Variants in UBE2O observed in about 807,000 individuals in gnomAD.
UBE2O encodes (E3-independent) E2 ubiquitin-conjugating enzyme.
A neutral mutation model predicts 125.8 loss-of-function variants in UBE2O; 15 were observed. The observed-to-expected ratio is 0.12, with a 90% CI of 0.08 to 0.18. UBE2O has a LOEUF of 0.18. Ranked by LOEUF, UBE2O falls within the 10% of genes least tolerant of loss-of-function variation. The probability of loss-of-function intolerance (pLI) is 1.00; values close to 1 mark genes in which losing one functional copy is unlikely to be tolerated. For missense variants in UBE2O, 1,280 were observed against 1,723.6 expected (o/e 0.74, Z 4.56); for synonymous variants, 708 against 703.2 (o/e 1.01, Z -0.11).
rs752504556 is a variant in UBE2O at position 76,400,433 on chromosome 17, AT to A, written c.1004+7del. On this transcript the variant is annotated splice_region_variant and intron_variant, in intron 7 of 17. Coordinates refer to ENST00000319380, the MANE Select transcript of UBE2O (RefSeq NM_022066.4). This position sits in a 1 kb window ranked among gnomAD's most constrained non-coding sequence, Gnocchi z 4.3. ...CCCCTGGGTTGCTGGCAGTAAGGGC[AT>A]GCTTACCTGCCTAGGTTTTCCTGGG... 4 of 1,608,080 alleles carry A rather than the reference AT, an allele frequency of 2.5e-6. No homozygotes were observed. The highest frequency in any genetic ancestry group is 2.5e-6 in the Non-Finnish European group (3 of 1,176,646).
chr17:76,420,034 T>A (rs1330816591), intron 1 of UBE2O, among the ~76,000 whole-genome samples: 1 of 152,152 alleles, frequency 6.6e-6, no homozygotes. Flanking sequence ...AGCAGAAAGC[T>A]GCTGCCTCAC....
At chr17:76,393,557 A>G (rs1369493785) in intron 15 of UBE2O, among the ~76,000 whole-genome samples, 1 of 152,108 alleles carries the variant, frequency 6.6e-6, no homozygotes, top group East Asian at 1.9e-4. Context: ...AAAACAAAAC[A>G]AAACAATTCC....
In UBE2O at chr17:76,452,761, G is replaced by A. The variant is rs780562730; in HGVS notation, c.381C>T (p.Tyr127=). Residue 127 remains tyrosine, a synonymous_variant, in exon 1 of 18, where the codon TAC becomes TAT. Coordinates refer to ENST00000319380, the MANE Select transcript of UBE2O (RefSeq NM_022066.4). The surrounding 1 kb of genome is among the most constrained non-coding windows in gnomAD (Gnocchi z 4.4). ...LRRGYVRVQW[Y]PEGVKQHVKE... ...TCACATGCTGCTTGACGCCCTCCGG[G>A]TACCACTGGACGCGCACGTAGCCGC... 2 of 1,514,920 alleles carry A rather than the reference G, an allele frequency of 1.3e-6. No homozygotes were observed. 93.8% of individuals were successfully genotyped at this position (1,514,920 alleles called of 1,614,324 possible).
intron 1 of UBE2O, among the ~76,000 whole-genome samples, chr17:76,409,838 AGC>A (rs757539526): frequency 3.3e-5 from 5 of 152,186 alleles, no homozygotes; most frequent in Admixed American, 1.3e-4. Flanking sequence ...GCACATGCTA[AGC>A]GCCCATTCTC....
intron 1 of UBE2O, among the ~76,000 whole-genome samples, chr17:76,424,793 G>A (rs989499224): frequency 2.0e-5 from 3 of 151,738 alleles, no homozygotes; most frequent in African/African-American, 7.2e-5. Context: ...ACTCCAGCCC[G>A]GGCAACAGAG....
Position 76,391,553 on chromosome 17 carries a change from A to G in UBE2O, c.3269T>C (p.Leu1090Pro). The change falls in exon 18 of 18, where the codon CTG (leucine) becomes CCG (proline). Residue 1090 changes from leucine (L) to proline (P), a missense_variant. Leu to Pro is a moderately conservative substitution (Grantham distance 98). Coordinates refer to ENST00000319380, the MANE Select transcript of UBE2O (RefSeq NM_022066.4). This position sits in a 1 kb window ranked among gnomAD's most constrained non-coding sequence, Gnocchi z 8.4. ...NEAGFDSDRG[L>P]QEGYENSRCY... ...GCGACTGTTTTCATAGCCTTCCTGC[A>G]GGCCTCGGTCACTGTCGAAGCCGGC... 1 of 1,614,132 alleles carries G rather than the reference A, an allele frequency of 6.2e-7. No homozygotes were observed. Among genetic ancestry groups the G allele is most frequent in the Non-Finnish European group, 8.5e-7 (1 of 1,180,028 alleles).
In UBE2O at chr17:76,404,063, C is replaced by G. The variant is rs2072376982; in HGVS notation, c.588+1143G>C. On this transcript the variant is annotated intron_variant, in intron 3 of 17. Coordinates refer to ENST00000319380, the MANE Select transcript of UBE2O (RefSeq NM_022066.4). This position sits in a 1 kb window ranked among gnomAD's most constrained non-coding sequence, Gnocchi z 4.3. ...GCTCTTCTACAGAGCAGAATGCCAG[C>G]TAAAAGAAATGAGGGGAACAAGGGA... 6.6e-6 allele frequency among the ~76,000 whole-genome samples: 1 copy of G among 152,094 alleles called. No individual in the cohort carries two copies. The highest frequency in any genetic ancestry group is 1.5e-5 in the Non-Finnish European group (1 of 68,026).
In UBE2O at chr17:76,395,795, C is replaced by T. The variant is rs767945816; in HGVS notation, c.2876G>A (p.Arg959Gln). ...GGTAGCCAGCAGCGCCATCTCCTTC[C>T]GCACTGTGCTGAAGAACTTCTTGGC... ...PEAKKFFSTVRKEMALLATSL... is the reference protein window; with the variant it reads ...PEAKKFFSTVQKEMALLATSL... The change falls in exon 15 of 18, where the codon CGG becomes CAG. Residue 959 changes from arginine (R) to glutamine (Q), a missense_variant. By Grantham distance (43) the Arg-to-Gln change is conservative (BLOSUM62 1). Coordinates refer to ENST00000319380, the MANE Select transcript of UBE2O (RefSeq NM_022066.4). The surrounding 1 kb of genome is among the most constrained non-coding windows in gnomAD (Gnocchi z 5.0). 7.4e-6 allele frequency: 12 copies of T among 1,614,210 alleles called. No individual in the cohort carries two copies. Among genetic ancestry groups the T allele is most frequent in the East Asian group, 2.2e-5 (1 of 44,884 alleles).
Position 76,423,626 on chromosome 17 carries a change from G to A in UBE2O, c.418-18054C>T, listed in dbSNP as rs191848986. Among the ~76,000 whole-genome samples, 572 of 151,544 alleles carry A rather than the reference G, an allele frequency of 3.8e-3. 1 individual carries two copies. Among genetic ancestry groups the A allele is most frequent in the Non-Finnish European group, 5.8e-3 (396 of 67,920 alleles). ...GAAAATCGCTTGAACCTGGGAGGCGGAGCTTGCAGTGAGCCGAGATCACAA... is the reference window on the plus strand; with the variant it reads ...GAAAATCGCTTGAACCTGGGAGGCGAAGCTTGCAGTGAGCCGAGATCACAA... On this transcript the variant is annotated intron_variant, in intron 1 of 17. Coordinates refer to ENST00000319380, the MANE Select transcript of UBE2O (RefSeq NM_022066.4).
intron 1 of UBE2O, among the ~76,000 whole-genome samples, chr17:76,448,190 G>A (rs546706348): frequency 1.3e-5 from 2 of 152,286 alleles, no homozygotes; most frequent in East Asian, 3.9e-4. Context: ...AGGCCCGAGG[G>A]CTAGAAGGGG....
chr17:76,448,411 C>T (rs1029448417), intron 1 of UBE2O, among the ~76,000 whole-genome samples: 3 of 152,324 alleles, frequency 2.0e-5, no homozygotes, highest in East Asian at 1.9e-4. Flanking sequence ...TGCCATGATG[C>T]TACACCTAAA....
rs770230462 is a variant in UBE2O, at chr17:76,452,924, G to C, written c.218C>G (p.Ser73Cys). 1.3e-6 allele frequency: 2 copies of C among 1,499,618 alleles called. No individual in the cohort carries two copies. The highest frequency in any genetic ancestry group is 1.5e-5 in the African/African-American group (1 of 68,554). The allele number at this position is 1,499,618 out of a possible 1,614,324, so 92.9% of individuals were successfully genotyped here. Residue 73 changes from serine to cysteine, a missense_variant, in exon 1 of 18, where the codon TCC (serine) becomes TGC (cysteine). Ser to Cys is a moderately radical substitution (Grantham distance 112). Transcript: ENST00000319380. This position sits in a 1 kb window ranked among gnomAD's most constrained non-coding sequence, Gnocchi z 4.4. ...HDLVSGRYRG[S>C]VHFGLVRLIH... ...GAGGCGCACCAGCCCGAAGTGCACG[G>C]AGCCACGGTAACGGCCCGACACCAG...
chr17:76,395,549 G>C lies in UBE2O; in HGVS notation c.2946+176C>G. 1.5e-6 allele frequency: 1 copy of C among 681,244 alleles called. No homozygotes were observed. Among genetic ancestry groups the C allele is most frequent in the Non-Finnish European group, 2.4e-6 (1 of 410,096 alleles). 42.2% of individuals were successfully genotyped at this position (681,244 alleles called of 1,614,324 possible). On this transcript the variant is annotated intron_variant, in intron 15 of 17. Coordinates refer to ENST00000319380, the MANE Select transcript of UBE2O (RefSeq NM_022066.4). This position sits in a 1 kb window ranked among gnomAD's most constrained non-coding sequence, Gnocchi z 5.0. Reference sequence around the variant, plus strand: ...AAAGAACCATCTGGCCTGGACACACGGCTGAGTCAGCCCTCACCTGACTGA... The same window carrying C: ...AAAGAACCATCTGGCCTGGACACACCGCTGAGTCAGCCCTCACCTGACTGA...
chr17:76,444,580 T>G (rs2073125317), intron 1 of UBE2O, among the ~76,000 whole-genome samples: 1 of 152,124 alleles, frequency 6.6e-6, no homozygotes, highest in African/African-American at 2.4e-5. Context: ...GCAAATGCAG[T>G]GATCAGAAAT....
chr17:76,431,319 C>G (rs960084504), intron 1 of UBE2O, among the ~76,000 whole-genome samples: 4 of 151,906 alleles, frequency 2.6e-5, no homozygotes. Flanking sequence ...CAAGAGCAGC[C>G]TGGCCAACAT....
At chr17:76,449,278 A>G (rs537330465) in intron 1 of UBE2O, among the ~76,000 whole-genome samples, 1 of 152,364 alleles carries the variant, frequency 6.6e-6, no homozygotes, top group South Asian at 2.1e-4. Context: ...AGATACTACT[A>G]AAAAATTTCA....
rs969004766 is a variant in UBE2O at position 76,395,931 on chromosome 17, G to A, written c.2810-70C>T. The stretch of plus-strand genomic sequence containing the variant: ...GGAGCTCCATCTGCCAACCTGGCTG[G>A]ACAGGTGAGCACACCCACAGACTTC... On this transcript the variant is annotated intron_variant, in intron 14 of 17. Transcript: ENST00000319380. This position sits in a 1 kb window ranked among gnomAD's most constrained non-coding sequence, Gnocchi z 5.0. 70 of 1,602,186 alleles carry A rather than the reference G, an allele frequency of 4.4e-5. No individual in the cohort carries two copies. The highest frequency in any genetic ancestry group is 5.9e-5 in the Non-Finnish European group (69 of 1,174,500).
At chr17:76,446,388 C>G (rs961561471) in intron 1 of UBE2O, among the ~76,000 whole-genome samples, 4 of 151,996 alleles carry the variant, frequency 2.6e-5, no homozygotes, top group Admixed American at 6.5e-5. Flanking sequence ...CATGAGCCCC[C>G]ATGGTGGGTT....
chr17:76,427,491 T>C (rs897023264), intron 1 of UBE2O, among the ~76,000 whole-genome samples: 2 of 152,264 alleles, frequency 1.3e-5, no homozygotes, highest in Admixed American at 6.5e-5. Context: ...GTGTTTGTTG[T>C]GATCGCTGAC....
Sources: allele counts gnomAD v4.1 joint callset (sites outside exome capture counted in the v4.1 genomes callset), GRCh38; gene constraint gnomAD v4.1.1; non-coding constraint Gnocchi (gnomAD v3.1); transcripts MANE v1.5; gene names NCBI Gene and HGNC (gene_info 2026-07-23, HGNC 2026-07-21).